DCC: variants seen among roughly 807,000 people sequenced by gnomAD.
The protein encoded by DCC is netrin receptor DCC.
A neutral mutation model predicts 172.5 loss-of-function variants in DCC; 58 were observed. That is an observed-to-expected ratio of 0.34 (90% CI 0.27 to 0.42). DCC has a LOEUF of 0.42. Among genes scored for constraint, DCC ranks in the 10% least tolerant of loss-of-function variants. The pLI, the probability that DCC is intolerant of heterozygous loss-of-function variation, is 1.00. For missense variants in DCC, 1,740 were observed against 1,791.0 expected, an observed-to-expected ratio of 0.97 and a Z score of 0.51; for synonymous variants, 709 against 644.5, an observed-to-expected ratio of 1.10 and a Z score of -1.52.
At chr18:53,395,167 A>G (rs1033004033) in intron 17 of DCC, among the ~76,000 whole-genome samples, 1 of 149,344 alleles carries the variant, frequency 6.7e-6, no homozygotes, top group African/African-American at 2.4e-5. Context: ...AAAAAAAAAA[A>G]GTAAGGCTCA....
chr18:52,570,697 T>C (rs1029449353), intron 1 of DCC, among the ~76,000 whole-genome samples: 1 of 152,218 alleles, frequency 6.6e-6, no homozygotes, highest in African/African-American at 2.4e-5. Context: ...TTTGGTCTCA[T>C]GATACTAAAT....
Position 52,917,856 on chromosome 18 carries a change from G to A in DCC, c.698-5851G>A, listed in dbSNP as rs190944541. Reference sequence around the variant, plus strand: ...TAAACTAGGCTTGAGTTCAAGTAAAGCATTACTGCTTTTAATCGATTTAGA... The same window carrying A: ...TAAACTAGGCTTGAGTTCAAGTAAAACATTACTGCTTTTAATCGATTTAGA... On this transcript the variant is annotated intron_variant, in intron 3 of 28. Coordinates refer to ENST00000442544, the MANE Select transcript of DCC (RefSeq NM_005215.4). Among the ~76,000 whole-genome samples, 7 of 152,254 alleles carry A rather than the reference G, an allele frequency of 4.6e-5. No individual in the cohort carries two copies. In the East Asian group the frequency reaches 7.7e-4, roughly 17 times the overall value.
intron 12 of DCC, among the ~76,000 whole-genome samples, chr18:53,247,296 T>A (rs1334511091): frequency 6.6e-6 from 1 of 152,034 alleles, no homozygotes; most frequent in Non-Finnish European, 1.5e-5. Context: ...CTGAGAAATA[T>A]GACCCCCTTG....
chr18:52,566,758 C>T (rs1255191270), intron 1 of DCC, among the ~76,000 whole-genome samples: 1 of 151,934 alleles, frequency 6.6e-6, no homozygotes, highest in African/African-American at 2.4e-5. Context: ...TGGGGTACAG[C>T]AAAGAAGGAG....
At chr18:53,160,656 T>A (rs2054822753) in intron 8 of DCC, among the ~76,000 whole-genome samples, 1 of 152,208 alleles carries the variant, frequency 6.6e-6, no homozygotes, top group African/African-American at 2.4e-5. Context: ...TGCCCATTAA[T>A]GCTACTGGCA....
intron 1 of DCC, among the ~76,000 whole-genome samples, chr18:52,551,085 T>A (rs890001104): frequency 6.6e-6 from 1 of 151,928 alleles, no homozygotes; most frequent in African/African-American, 2.4e-5. Flanking sequence ...GTCTACAGCA[T>A]AAAACAAGGT....
intron 2 of DCC, among the ~76,000 whole-genome samples, chr18:52,845,369 C>T (rs1305930519): frequency 1.3e-5 from 2 of 152,200 alleles, no homozygotes; most frequent in Non-Finnish European, 2.9e-5. Context: ...AATTATCCCA[C>T]TGGATGATCT....
chr18:52,891,207 A>G (rs748397944), intron 2 of DCC, among the ~76,000 whole-genome samples: 6 of 152,012 alleles, frequency 3.9e-5, no homozygotes, highest in Non-Finnish European at 5.9e-5. Flanking sequence ...GCTTGTTTTT[A>G]AGCTCCTCTA....
intron 14 of DCC, among the ~76,000 whole-genome samples, chr18:53,324,831 A>G (rs1283361424): frequency 6.6e-6 from 1 of 152,190 alleles, no homozygotes; most frequent in Non-Finnish European, 1.5e-5. Flanking sequence ...TTATCCTTTC[A>G]TCTACCCTTA....
chr18:52,410,736 A>G (rs72918830), intron 1 of DCC, among the ~76,000 whole-genome samples: 6,516 of 152,220 alleles, frequency 0.043, 205 homozygotes, highest in Non-Finnish European at 0.066. Flanking sequence ...ACACTAGTTA[A>G]TTGGTTTGGG....
chr18:52,615,710 G>C (rs1399972095), intron 1 of DCC, among the ~76,000 whole-genome samples: 1 of 152,104 alleles, frequency 6.6e-6, no homozygotes, highest in Non-Finnish European at 1.5e-5. Context: ...ACCCAAAATT[G>C]AGAACAATTA....
chr18:52,344,292 G>A (rs999460622), intron 1 of DCC, among the ~76,000 whole-genome samples: 1 of 152,210 alleles, frequency 6.6e-6, no homozygotes, highest in African/African-American at 2.4e-5. Context: ...GCAGGCTGTA[G>A]TATGGTTTCC....
intron 3 of DCC, among the ~76,000 whole-genome samples, chr18:52,907,307 C>CATATGGATATATACATATGTATATGT (rs1555680326): frequency 1.5e-4 from 15 of 101,526 alleles, no homozygotes; most frequent in African/African-American, 5.3e-4. Flanking sequence ...TGGATATATA[C>CATATGGATATATACATATGTATATGT]ATATGTATAT....
intron 12 of DCC, among the ~76,000 whole-genome samples, chr18:53,242,459 T>C (rs758602674): frequency 1.9e-4 from 29 of 152,142 alleles, no homozygotes; most frequent in Non-Finnish European, 3.7e-4. Flanking sequence ...CCCAAGTAAG[T>C]TGAAGAGGGG....
chr18:53,360,970 T>G (rs1162778370), intron 15 of DCC, among the ~76,000 whole-genome samples: 1 of 152,144 alleles, frequency 6.6e-6, no homozygotes, highest in African/African-American at 2.4e-5. Context: ...CCTGTGACTG[T>G]GACCTTAGAT....
At chr18:53,151,935 G>T (rs2054647616) in intron 7 of DCC, among the ~76,000 whole-genome samples, 1 of 151,766 alleles carries the variant, frequency 6.6e-6, no homozygotes, top group East Asian at 1.9e-4. Context: ...TATCATTTAG[G>T]TTTATCCACT....
At chr18:52,811,380 T>C (rs1223537924) in intron 2 of DCC, among the ~76,000 whole-genome samples, 1 of 152,248 alleles carries the variant, frequency 6.6e-6, no homozygotes. Flanking sequence ...CTAATTACTT[T>C]TAAAATGTGC....
At chr18:53,240,168 A>T (rs1371024820) in intron 12 of DCC, among the ~76,000 whole-genome samples, 1 of 151,974 alleles carries the variant, frequency 6.6e-6, no homozygotes. Flanking sequence ...AATTACTTTT[A>T]TATTAGACTA....
chr18:52,751,544 G>A (rs2036994587), intron 1 of DCC, among the ~76,000 whole-genome samples: 1 of 152,120 alleles, frequency 6.6e-6, no homozygotes, highest in South Asian at 2.1e-4. Flanking sequence ...ACCCACCTGA[G>A]CTTTGTCCTA....
Sources: gnomAD v4.1 joint callset for allele counts (sites outside exome capture counted in the v4.1 genomes callset) on GRCh38, gnomAD v4.1.1 for gene constraint, MANE v1.5 for transcripts, NCBI Gene and HGNC (gene_info 2026-07-23, HGNC 2026-07-21) for gene names.